Variants in SPMAP2L observed in about 807,000 individuals in gnomAD.
SPMAP2L encodes the protein sperm microtubule associated protein 2 like.
the SPMAP2L span, among the ~76,000 whole-genome samples, chr4:56,590,979 C>T: frequency 6.6e-6 from 1 of 152,170 alleles, no homozygotes; most frequent in Admixed American, 6.5e-5. Flanking sequence ...ATGAATCTCA[C>T]AATACCTTGG....
the SPMAP2L span, among the ~76,000 whole-genome samples, chr4:56,546,162 T>G: frequency 4.6e-5 from 7 of 151,832 alleles, no homozygotes; most frequent in African/African-American, 1.7e-4. Context: ...TAATAATGGA[T>G]TTCATTTATA....
At chr4:56,571,703 C>G in the SPMAP2L span, among the ~76,000 whole-genome samples, 1 of 152,276 alleles carries the variant, frequency 6.6e-6, no homozygotes, top group East Asian at 1.9e-4. Flanking sequence ...AAAAAATTAT[C>G]TGGGCATAGT....
At chr4:56,537,517 A>C in the SPMAP2L span, among the ~76,000 whole-genome samples, 1 of 152,158 alleles carries the variant, frequency 6.6e-6, no homozygotes, top group African/African-American at 2.4e-5. Flanking sequence ...AAATATCTTG[A>C]AGTTACTCAA....
the SPMAP2L span, among the ~76,000 whole-genome samples, chr4:56,582,319 C>T: frequency 1.3e-5 from 2 of 151,990 alleles, no homozygotes; most frequent in African/African-American, 4.8e-5. Context: ...GACTAATATT[C>T]AGAATATATA....
chr4:56,617,776 C>T, the SPMAP2L span, among the ~76,000 whole-genome samples: 5 of 152,268 alleles, frequency 3.3e-5, no homozygotes, highest in South Asian at 1.0e-3. Flanking sequence ...TCTGATCACA[C>T]GTGGGCTTGG....
At chr4:56,606,302 C>T in the SPMAP2L span, among the ~76,000 whole-genome samples, 179 of 152,260 alleles carry the variant, frequency 1.2e-3, no homozygotes, top group East Asian at 0.01. Context: ...ATAAGAACTG[C>T]GCATTTGCTC....
chr4:56,593,987 T>C, the SPMAP2L span: 37 of 1,610,480 alleles, frequency 2.3e-5, no homozygotes, highest in African/African-American at 3.9e-4. Flanking sequence ...TCAGTGTGGC[T>C]GCTCAGTGAA....
chr4:56,586,846 G>A, the SPMAP2L span, among the ~76,000 whole-genome samples: 7 of 152,058 alleles, frequency 4.6e-5, no homozygotes, highest in African/African-American at 1.2e-4. Flanking sequence ...CCAGATTCAA[G>A]GGGGCAGCGA....
the SPMAP2L span, among the ~76,000 whole-genome samples, chr4:56,535,736 G>A: frequency 3.9e-5 from 6 of 152,002 alleles, no homozygotes; most frequent in South Asian, 2.1e-4. Context: ...CACCATCCCC[G>A]GTTCATTATA....
chr4:56,566,949 C>T, the SPMAP2L span, among the ~76,000 whole-genome samples: 2 of 152,036 alleles, frequency 1.3e-5, no homozygotes, highest in East Asian at 1.9e-4. Flanking sequence ...CCCACCTTGG[C>T]CTCCCAAAGT....
chr4:56,534,558 G>A, the SPMAP2L span, among the ~76,000 whole-genome samples: 1 of 152,142 alleles, frequency 6.6e-6, no homozygotes, highest in East Asian at 1.9e-4. Flanking sequence ...TCTAGCCTCA[G>A]TTTTTCCCCT....
At chr4:56,599,914 C>T in the SPMAP2L span, among the ~76,000 whole-genome samples, 4 of 152,060 alleles carry the variant, frequency 2.6e-5, no homozygotes, top group African/African-American at 9.7e-5. Context: ...TAAAACTCAA[C>T]ATCACTGATC....
At chr4:56,623,132 T>C in the SPMAP2L span, among the ~76,000 whole-genome samples, 6 of 152,222 alleles carry the variant, frequency 3.9e-5, no homozygotes, top group East Asian at 1.2e-3. Flanking sequence ...GAGGCTCCTT[T>C]AATTCTTTCT....
the SPMAP2L span, among the ~76,000 whole-genome samples, chr4:56,597,340 A>G: frequency 6.6e-6 from 1 of 152,174 alleles, no homozygotes; most frequent in African/African-American, 2.4e-5. Flanking sequence ...AAGTCATGGC[A>G]CTCAGCACAG....
the SPMAP2L span, chr4:56,596,384 T>G: frequency 9.2e-7 from 1 of 1,081,082 alleles, no homozygotes; most frequent in Middle Eastern, 2.8e-4. Flanking sequence ...ATTCCCACCC[T>G]TTCTGCTGGA....
At chr4:56,534,772 C>CAA in the SPMAP2L span, among the ~76,000 whole-genome samples, 1 of 151,650 alleles carries the variant, frequency 6.6e-6, no homozygotes, top group African/African-American at 2.4e-5. Context: ...GCTAAAAATA[C>CAA]AAAAAAAATA....
the SPMAP2L span, among the ~76,000 whole-genome samples, chr4:56,533,838 G>A: frequency 2.0e-5 from 3 of 151,574 alleles, no homozygotes; most frequent in African/African-American, 7.3e-5. Context: ...TGTAGCCCCA[G>A]TTACTGGTAG....
At chr4:56,556,173 G>C in the SPMAP2L span, among the ~76,000 whole-genome samples, 2 of 152,126 alleles carry the variant, frequency 1.3e-5, no homozygotes, top group Non-Finnish European at 2.9e-5. Context: ...CAATTCCTTT[G>C]ATGGCATGGA....
chr4:56,579,370 G>A, the SPMAP2L span, among the ~76,000 whole-genome samples: 1 of 151,908 alleles, frequency 6.6e-6, no homozygotes, highest in African/African-American at 2.4e-5. Flanking sequence ...GGTCAAAGAA[G>A]AAATCACTTT....
Sources: gnomAD v4.1 joint callset for allele counts (sites outside exome capture counted in the v4.1 genomes callset) on GRCh38, gnomAD v4.1.1 for gene constraint, MANE v1.5 for transcripts, NCBI Gene and HGNC (gene_info 2026-07-23, HGNC 2026-07-21) for gene names.